Variants in PLEKHH2 observed in about 807,000 individuals in gnomAD.
PLEKHH2 encodes pleckstrin homology domain-containing family H member 2.
A neutral mutation model predicts 187.9 loss-of-function variants in PLEKHH2; 129 were observed. The ratio of observed to expected loss-of-function variants is 0.69; its 90% CI spans 0.59 to 0.79. PLEKHH2 has a LOEUF of 0.79. Among genes scored for constraint, PLEKHH2 ranks in the 30% least tolerant of loss-of-function variants. The pLI, the probability that PLEKHH2 is intolerant of heterozygous loss-of-function variation, is 0.00. For synonymous variants in PLEKHH2, 686 were observed against 605.6 expected (o/e 1.13, Z -1.95); for missense variants, 2,076 against 1,751.2 (o/e 1.19, Z -3.31).
intron 8 of PLEKHH2, 93 bp from the exon 9 acceptor site, chr2:43,703,888 A>C: frequency 1.2e-6 from 1 of 805,340 alleles, no homozygotes; most frequent in South Asian, 1.7e-5. Flanking sequence ...ATGAAGAACA[A>C]ATGAAAAACA....
At chr2:43,755,234 C>T (rs1240011639) in intron 25 of PLEKHH2, among the ~76,000 whole-genome samples, 3 of 152,118 alleles carry the variant, frequency 2.0e-5, no homozygotes, top group Admixed American at 2.0e-4. Context: ...CATTCTGTCT[C>T]CTCTTTATGA....
chr2:43,744,877 A>AG (rs1356119661), intron 23 of PLEKHH2, among the ~76,000 whole-genome samples: 2 of 151,498 alleles, frequency 1.3e-5, no homozygotes, highest in African/African-American at 4.8e-5. Flanking sequence ...CAAAAAAAAA[A>AG]AAAAAAAAAA....
At chr2:43,696,813 A>G (rs973279673) in intron 6 of PLEKHH2, among the ~76,000 whole-genome samples, 1 of 152,110 alleles carries the variant, frequency 6.6e-6, no homozygotes, top group Non-Finnish European at 1.5e-5. Flanking sequence ...AATTTTACCA[A>G]CGCTGAACTG....
rs141454741 is a variant in PLEKHH2 at position 43,672,598 on chromosome 2, C to T, written c.124-6265C>T. 3.8e-3 allele frequency among the ~76,000 whole-genome samples: 575 copies of T among 152,310 alleles called. 2 individuals carry two copies. Among genetic ancestry groups the T allele is most frequent in the African/African-American group, 0.013 (540 of 41,578 alleles). ...TTAGATGCCACTTCAGCATTTGAACCCTTTTTCTATGTACTTTCATATATA... is the reference window on the plus strand; with the variant it reads ...TTAGATGCCACTTCAGCATTTGAACTCTTTTTCTATGTACTTTCATATATA... On this transcript the variant is annotated intron_variant, in intron 2 of 29. Transcript: ENST00000282406.
chr2:43,678,595 A>G (rs1378570255), intron 2 of PLEKHH2, among the ~76,000 whole-genome samples: 2 of 152,136 alleles, frequency 1.3e-5, no homozygotes, highest in Non-Finnish European at 2.9e-5. Context: ...CTGCAATCGC[A>G]GGCACTCGGC....
At position 43,740,806 on chromosome 2, in the gene PLEKHH2, C is replaced by T. The variant is rs574367137; in HGVS notation, c.3124-140C>T. 35 of 1,368,758 alleles carry T rather than the reference C, an allele frequency of 2.6e-5. No homozygotes were observed. The African/African-American group carries it at 4.6e-4, about 18-fold the overall frequency. 84.8% of individuals were successfully genotyped at this position (1,368,758 alleles called of 1,614,324 possible). On this transcript the variant is annotated intron_variant, in intron 20 of 29. Transcript: ENST00000282406. ...TTTTGTTTTTAACCTATGATAAATG[C>T]TGTAAACAGATCATGCATATGTGAA...
intron 5 of PLEKHH2, 123 bp from the exon 6 acceptor site, chr2:43,695,020 T>G: frequency 2.3e-6 from 1 of 440,190 alleles, no homozygotes; most frequent in Non-Finnish European, 3.9e-6. Flanking sequence ...GTTTATCATT[T>G]CCTTTGTATT....
At chr2:43,725,973 C>G (rs1217588715) in intron 16 of PLEKHH2, among the ~76,000 whole-genome samples, 1 of 150,528 alleles carries the variant, frequency 6.6e-6, no homozygotes, top group Non-Finnish European at 1.5e-5. Context: ...TTTTAATTAG[C>G]TGGGCATGGT....
chr2:43,695,118 A>G (rs747385713), intron 5 of PLEKHH2, 25 bp from the exon 6 acceptor site: 13 of 1,355,302 alleles, frequency 9.6e-6, no homozygotes, highest in African/African-American at 1.4e-5. Context: ...CTCTATATGA[A>G]AAGAATACCA....
intron 26 of PLEKHH2, 26 bp downstream of exon 26, chr2:43,757,290 T>C (rs756638406): frequency 4.7e-6 from 7 of 1,487,856 alleles, no homozygotes; most frequent in Admixed American, 2.5e-5. Context: ...TAACTCTTTA[T>C]AGGGTAGGGT....
intron 2 of PLEKHH2, among the ~76,000 whole-genome samples, chr2:43,666,082 G>T (rs967675311): frequency 6.7e-6 from 1 of 149,694 alleles, no homozygotes; most frequent in African/African-American, 2.5e-5. Flanking sequence ...CCTTGCTGCC[G>T]CCTTGCAGTT....
chr2:43,757,308 GT>G, intron 26 of PLEKHH2, 44 bp downstream of exon 26: 1 of 1,356,414 alleles, frequency 7.4e-7, no homozygotes, highest in Non-Finnish European at 9.6e-7. Flanking sequence ...GGTCATACTA[GT>G]TTTTTGGTAA....
At chr2:43,706,151 T>C (rs1474817364) in intron 9 of PLEKHH2, among the ~76,000 whole-genome samples, 171 bp from the exon 10 acceptor site, 1 of 152,180 alleles carries the variant, frequency 6.6e-6, no homozygotes, top group East Asian at 1.9e-4. Flanking sequence ...AAAAAGTGTA[T>C]AAATAAACCT....
chr2:43,701,382 G>A (rs1669354312), intron 8 of PLEKHH2, among the ~76,000 whole-genome samples: 1 of 152,130 alleles, frequency 6.6e-6, no homozygotes, highest in Non-Finnish European at 1.5e-5. Context: ...TCTTCCTCTT[G>A]GGGAGGGGAA....
At chr2:43,739,129 G>A (rs748443914) in intron 20 of PLEKHH2, among the ~76,000 whole-genome samples, 1 of 152,160 alleles carries the variant, frequency 6.6e-6, no homozygotes, top group Non-Finnish European at 1.5e-5. Context: ...GATCTCAGGT[G>A]ATCCGCCCGC....
rs780871740 is a variant in PLEKHH2, at chr2:43,697,403, A to C, written c.688+47A>C. The C allele has an allele frequency of 1.1e-5, 16 of 1,474,288 alleles. 1 individual carries two copies. The highest frequency in any genetic ancestry group is 9.3e-7 in the Non-Finnish European group (1 of 1,080,894). The allele number at this position is 1,474,288 out of a possible 1,614,324, so 91.3% of individuals were successfully genotyped here. On this transcript the variant is annotated intron_variant, in intron 7 of 29. Transcript: ENST00000282406. ...TGACTTTGGCATTTTTTAAAAAGGA[A>C]GACTCATTTGCTAAGATTAATCCAA...
At chr2:43,699,498 C>A (rs1461360151) in intron 7 of PLEKHH2, 149 bp from the exon 8 acceptor site, 1 of 933,450 alleles carries the variant, frequency 1.1e-6, no homozygotes, top group Non-Finnish European at 1.6e-6. Context: ...CTGCCTCAGC[C>A]TCCCAAGTAG....
At position 43,706,306 on chromosome 2, in the gene PLEKHH2, T is replaced by C; in HGVS notation, c.1727-16T>C. On this transcript the variant is annotated splice_polypyrimidine_tract_variant and intron_variant, in intron 9 of 29. Transcript: ENST00000282406. ...AGAAGTTTTTTAAAATGTTGTTTCC[T>C]GTTTTTCTGTTTCAGATTCTGCTGC... 6.4e-7 allele frequency: 1 copy of C among 1,550,914 alleles called. No homozygotes were observed. Among genetic ancestry groups the C allele is most frequent in the Non-Finnish European group, 8.9e-7 (1 of 1,124,914 alleles).
At chr2:43,711,443 C>G (rs1187198140) in intron 14 of PLEKHH2, 2 of 974,404 alleles carry the variant, frequency 2.1e-6, no homozygotes, top group African/African-American at 3.5e-5. Context: ...AATATCTAAT[C>G]ACATGTTCGT....
Sources: gnomAD v4.1 joint callset for allele counts (sites outside exome capture counted in the v4.1 genomes callset) on GRCh38, gnomAD v4.1.1 for gene constraint, MANE v1.5 for transcripts, NCBI Gene and HGNC (gene_info 2026-07-23, HGNC 2026-07-21) for gene names.